AK8: variants seen among roughly 807,000 people sequenced by gnomAD.
The protein encoded by AK8 is adenylate kinase 8.
AK8 carries 44 observed loss-of-function variants against 54.6 expected under a neutral mutation model. The observed-to-expected ratio is 0.81, with a 90% confidence interval of 0.63 to 1.04. The LOEUF is 1.04. Ranked by LOEUF, AK8 falls within the 50% of genes least tolerant of loss-of-function variation. The pLI, the probability that AK8 is intolerant of heterozygous loss-of-function variation, is 0.00. For synonymous variants in AK8, 239 were observed against 245.6 expected (o/e 0.97, Z 0.25); for missense variants, 555 against 613.6 (o/e 0.90, Z 1.01).
chr9:132,782,460 C>T (rs749677352), intron 11 of AK8, among the ~76,000 whole-genome samples: 12 of 152,220 alleles, frequency 7.9e-5, no homozygotes, highest in South Asian at 4.2e-4. Context: ...GAGCCCAGGG[C>T]GGGTGGATCA....
At chr9:132,771,450 C>T (rs979600716) in intron 11 of AK8, among the ~76,000 whole-genome samples, 10 of 152,296 alleles carry the variant, frequency 6.6e-5, no homozygotes, top group East Asian at 5.8e-4. Context: ...TTCCCTGGAT[C>T]GTACAATCCT....
rs549084019 is a variant in AK8 at position 132,831,903 on chromosome 9, T to C, written c.403-3177A>G. On this transcript the variant is annotated intron_variant, in intron 5 of 12. Coordinates refer to ENST00000298545, the MANE Select transcript of AK8 (RefSeq NM_152572.3). ...GACCCCCCCACTCTACCGAAAAAGA[T>C]TTTTAAAAATTAGCCAGGCGCGTTG... Among the ~76,000 whole-genome samples the C allele has an allele frequency of 3.6e-3, 551 of 151,266 alleles. 2 individuals carry two copies. The highest frequency in any genetic ancestry group is 6.2e-3 in the Non-Finnish European group (422 of 67,764).
intron 5 of AK8, among the ~76,000 whole-genome samples, chr9:132,847,949 A>G (rs1479387168): frequency 6.6e-6 from 1 of 151,960 alleles, no homozygotes; most frequent in Non-Finnish European, 1.5e-5. Context: ...ACGACTCTAC[A>G]AACAATAAAA....
intron 10 of AK8, among the ~76,000 whole-genome samples, chr9:132,807,779 T>A (rs527571610): frequency 6.6e-6 from 1 of 152,282 alleles, no homozygotes; most frequent in Non-Finnish European, 1.5e-5. Context: ...TTATATTAAG[T>A]GAAAATCGGG....
chr9:132,784,929 CAG>C lies in AK8; in HGVS notation c.1121+7703_1121+7704del, dbSNP rs1361192248. On this transcript the variant is annotated intron_variant, in intron 11 of 12. Coordinates refer to ENST00000298545, the MANE Select transcript of AK8 (RefSeq NM_152572.3). Reference sequence around the variant, plus strand: ...TAAGTATAGTAATTATAGTTAAAAACAGAATATAATTGTTATATTTCTAGAAA... The same window carrying C: ...TAAGTATAGTAATTATAGTTAAAAACAATATAATTGTTATATTTCTAGAAA... Among the ~76,000 whole-genome samples the C allele has an allele frequency of 3.3e-5, 5 of 152,056 alleles. 1 individual carries two copies. The highest frequency in any genetic ancestry group is 1.5e-5 in the Non-Finnish European group (1 of 67,962).
intron 9 of AK8, among the ~76,000 whole-genome samples, chr9:132,820,407 C>A (rs138721355): frequency 1.1e-3 from 162 of 152,280 alleles, no homozygotes; most frequent in African/African-American, 3.7e-3. Flanking sequence ...TCACTGACAT[C>A]AAATCACTTT....
chr9:132,747,734 C>T (rs1223350094), intron 11 of AK8, among the ~76,000 whole-genome samples: 2 of 149,128 alleles, frequency 1.3e-5, no homozygotes, highest in Non-Finnish European at 3.0e-5. Flanking sequence ...CCTGGCCTTA[C>T]TTTATATGTC....
rs1216159557 is a variant in AK8, at chr9:132,826,588, C to T, written c.757+266G>A. ...CTTGCCTCTCCTCCTCCCGACCCCA[C>T]GACCACCAAATCTGCTGTGGGCCAG... On this transcript the variant is annotated intron_variant, in intron 8 of 12. Transcript: ENST00000298545. The surrounding 1 kb of genome is among the most constrained non-coding windows in gnomAD (Gnocchi z 4.5). Among the ~76,000 whole-genome samples the T allele has an allele frequency of 6.6e-6, 1 of 152,138 alleles. No individual in the cohort carries two copies. Among genetic ancestry groups the T allele is most frequent in the Non-Finnish European group, 1.5e-5 (1 of 68,030 alleles).
At chr9:132,726,586 C>T (rs1564367786) in intron 12 of AK8, among the ~76,000 whole-genome samples, 1 of 152,164 alleles carries the variant, frequency 6.6e-6, no homozygotes, top group African/African-American at 2.4e-5. Flanking sequence ...CTTTTTCCTC[C>T]CTTCCATTCA....
At chr9:132,756,606 T>A (rs2131036224) in intron 11 of AK8, among the ~76,000 whole-genome samples, 1 of 152,308 alleles carries the variant, frequency 6.6e-6, no homozygotes, top group African/African-American at 2.4e-5. Flanking sequence ...GAACAGAATC[T>A]GAAGCACCCT....
intron 2 of AK8, 133 bp downstream of exon 2, chr9:132,874,982 C>A: frequency 8.7e-7 from 1 of 1,151,406 alleles, no homozygotes. Flanking sequence ...CAGAATGGTG[C>A]TCAGCTATTC....
chr9:132,809,571 C>T (rs1421386236), intron 10 of AK8, among the ~76,000 whole-genome samples: 1 of 152,220 alleles, frequency 6.6e-6, no homozygotes, highest in Non-Finnish European at 1.5e-5. Flanking sequence ...CCTGTCCCCA[C>T]CACTGGAGTA....
At chr9:132,868,901 G>C (rs191413277) in intron 2 of AK8, among the ~76,000 whole-genome samples, 2 of 152,284 alleles carry the variant, frequency 1.3e-5, no homozygotes, top group Non-Finnish European at 2.9e-5. Flanking sequence ...AGAAGAAAAG[G>C]GGGTTGATTG....
chr9:132,865,588 G>A (rs964563387), intron 3 of AK8, among the ~76,000 whole-genome samples: 3 of 152,072 alleles, frequency 2.0e-5, no homozygotes, highest in Non-Finnish European at 2.9e-5. Flanking sequence ...TTGGGAGGCC[G>A]AGGATCATGA....
Position 132,781,622 on chromosome 9 carries a change from C to T in AK8, c.1121+11012G>A, listed in dbSNP as rs1315943413. On this transcript the variant is annotated intron_variant, in intron 11 of 12. Coordinates refer to ENST00000298545, the MANE Select transcript of AK8 (RefSeq NM_152572.3). This position sits in a 1 kb window ranked among gnomAD's most constrained non-coding sequence, Gnocchi z 4.6. ...CATTGAACCTTCCTTAAAAAAAGAG[C>T]CTTTGTAGATTTTCATATCTGAATT... Among the ~76,000 whole-genome samples, 1 of 151,934 alleles carries T rather than the reference C, an allele frequency of 6.6e-6. No individual in the cohort carries two copies. Among genetic ancestry groups the T allele is most frequent in the African/African-American group, 2.4e-5 (1 of 41,350 alleles).
chr9:132,872,176 A>C (rs138887239), intron 2 of AK8, among the ~76,000 whole-genome samples: 43 of 152,162 alleles, frequency 2.8e-4, no homozygotes, highest in African/African-American at 9.2e-4. Context: ...TCTACAAAAA[A>C]TTTTTAAAAA....
At chr9:132,727,356 G>T in intron 12 of AK8, 98 bp downstream of exon 12, 2 of 1,136,112 alleles carry the variant, frequency 1.8e-6, no homozygotes, top group Non-Finnish European at 2.7e-6. Context: ...GGTCACCAGT[G>T]TTATCCCTGC....
At chr9:132,808,799 A>T (rs1840847429) in intron 10 of AK8, among the ~76,000 whole-genome samples, 1 of 152,254 alleles carries the variant, frequency 6.6e-6, no homozygotes, top group African/African-American at 2.4e-5. Flanking sequence ...CTGCAATGGC[A>T]GGGGTCCCAG....
chr9:132,865,087 C>G (rs1461075830), intron 3 of AK8, among the ~76,000 whole-genome samples: 5 of 152,252 alleles, frequency 3.3e-5, no homozygotes, highest in Middle Eastern at 3.4e-3. Context: ...TTTTTCATAG[C>G]ACCCTGGAAA....
Sources: gnomAD v4.1 joint callset for allele counts (sites outside exome capture counted in the v4.1 genomes callset) on GRCh38, gnomAD v4.1.1 for gene constraint, Gnocchi (gnomAD v3.1) non-coding constraint, MANE v1.5 for transcripts, NCBI Gene and HGNC (gene_info 2026-07-23, HGNC 2026-07-21) for gene names.